Variants in LRRC4C observed in about 807,000 individuals in gnomAD.
LRRC4C encodes leucine-rich repeat-containing protein 4C.
Under a neutral mutation model 33.6 loss-of-function variants are expected in LRRC4C, and 5 were observed. The ratio of observed to expected loss-of-function variants is 0.15; its 90% CI spans 0.08 to 0.31. The LOEUF (loss-of-function observed/expected upper bound fraction) is 0.31, where lower values mean the gene tolerates loss of function less well. Among genes scored for constraint, LRRC4C ranks in the 10% least tolerant of loss-of-function variants. LRRC4C has a pLI of 1.00. For synonymous variants in LRRC4C, 329 were observed against 302.0 expected (o/e 1.09, Z -0.93); for missense variants, 560 against 796.7 (o/e 0.70, Z 3.58).
At chr11:40,391,432 G>T (rs1259585685) in intron 3 of LRRC4C, among the ~76,000 whole-genome samples, 1 of 152,110 alleles carries the variant, frequency 6.6e-6, no homozygotes, top group Non-Finnish European at 1.5e-5. Flanking sequence ...ACTGCTTTAA[G>T]CACTTTATAA....
chr11:40,195,721 T>C (rs552761914), intron 5 of LRRC4C, among the ~76,000 whole-genome samples: 2 of 148,530 alleles, frequency 1.3e-5, no homozygotes, highest in East Asian at 2.0e-4. Flanking sequence ...AAAAATTGTA[T>C]GGCAAATAAA....
intron 1 of LRRC4C, among the ~76,000 whole-genome samples, chr11:40,977,962 C>T (rs1290319647): frequency 6.6e-6 from 1 of 152,158 alleles, no homozygotes; most frequent in African/African-American, 2.4e-5. Flanking sequence ...AAAAGGCAAA[C>T]ATTGAAATCT....
At chr11:40,409,596 T>C (rs1312340084) in intron 3 of LRRC4C, among the ~76,000 whole-genome samples, 1 of 152,018 alleles carries the variant, frequency 6.6e-6, no homozygotes, top group East Asian at 1.9e-4. Flanking sequence ...CCTGAATAGA[T>C]GTTTCTCACA....
At chr11:40,445,019 A>C (rs190144601) in intron 3 of LRRC4C, among the ~76,000 whole-genome samples, 94 of 152,324 alleles carry the variant, frequency 6.2e-4, no homozygotes, top group Middle Eastern at 3.4e-3. Context: ...CCCAAGGTCA[A>C]CTTTGGGGTC....
At chr11:40,923,129 T>C (rs77431052) in intron 2 of LRRC4C, among the ~76,000 whole-genome samples, 2,011 of 152,260 alleles carry the variant, frequency 0.013, 52 homozygotes, top group African/African-American at 0.046. Context: ...CAGCCTGTCA[T>C]ACATCTTTCT....
At chr11:40,347,643 T>A (rs1947194564) in intron 3 of LRRC4C, among the ~76,000 whole-genome samples, 1 of 152,204 alleles carries the variant, frequency 6.6e-6, no homozygotes, top group African/African-American at 2.4e-5. Flanking sequence ...AGTTTCGCTC[T>A]TGTTGCCTAG....
intron 1 of LRRC4C, among the ~76,000 whole-genome samples, chr11:41,016,176 A>G (rs933057200): frequency 2.0e-5 from 3 of 152,104 alleles, no homozygotes; most frequent in African/African-American, 7.2e-5. Flanking sequence ...AAAAATGATT[A>G]GCCCATAGCA....
In LRRC4C at chr11:40,999,687, C is replaced by A. The variant is rs746715552; in HGVS notation, c.-495-65964G>T. ...TTAAATCAAAATATTGGCTAGAAAC[C>A]TGCCATATGCTGGACACTATGTGAG... On this transcript the variant is annotated intron_variant, in intron 1 of 6. Coordinates refer to ENST00000528697, the MANE Select transcript of LRRC4C (RefSeq NM_001258419.2). Among the ~76,000 whole-genome samples the A allele has an allele frequency of 2.0e-5, 3 of 152,260 alleles. No individual in the cohort carries two copies. In the South Asian group the frequency reaches 6.2e-4, roughly 32 times the overall value.
intron 1 of LRRC4C, among the ~76,000 whole-genome samples, chr11:41,157,770 G>A (rs1294704377): frequency 6.6e-6 from 1 of 151,814 alleles, no homozygotes; most frequent in African/African-American, 2.4e-5. Flanking sequence ...TTTAAATTTT[G>A]TGGGTATATA....
intron 1 of LRRC4C, among the ~76,000 whole-genome samples, chr11:41,238,932 C>T (rs1209410476): frequency 6.6e-6 from 1 of 151,950 alleles, no homozygotes; most frequent in Non-Finnish European, 1.5e-5. Flanking sequence ...GCAGTATGTC[C>T]CTTTCCCATA....
intron 2 of LRRC4C, among the ~76,000 whole-genome samples, chr11:40,878,730 G>T (rs1357686589): frequency 6.6e-6 from 1 of 152,146 alleles, no homozygotes; most frequent in Non-Finnish European, 1.5e-5. Flanking sequence ...CAAATACCTT[G>T]ATCACTTTTG....
intron 1 of LRRC4C, among the ~76,000 whole-genome samples, chr11:41,026,639 ATTGT>A (rs1475943332): frequency 6.6e-6 from 1 of 151,220 alleles, no homozygotes; most frequent in Admixed American, 6.6e-5. Context: ...GGCAAATTGC[ATTGT>A]TTCTTTATTT....
At chr11:40,504,521 C>T (rs939553722) in intron 3 of LRRC4C, among the ~76,000 whole-genome samples, 2 of 151,952 alleles carry the variant, frequency 1.3e-5, no homozygotes, top group African/African-American at 4.8e-5. Flanking sequence ...AGGTATCAGC[C>T]TAAGGATTTT....
At chr11:40,566,215 T>G (rs1957763145) in intron 3 of LRRC4C, among the ~76,000 whole-genome samples, 1 of 151,658 alleles carries the variant, frequency 6.6e-6, no homozygotes, top group Admixed American at 6.6e-5. Context: ...GTTTGTGTGT[T>G]GGATATTCAA....
At chr11:41,453,900 A>G (rs1956102650) in intron 1 of LRRC4C, among the ~76,000 whole-genome samples, 1 of 152,124 alleles carries the variant, frequency 6.6e-6, no homozygotes, top group East Asian at 1.9e-4. Flanking sequence ...GTAGAGGCCA[A>G]TGAACTTGTG....
At chr11:40,195,600 A>C (rs1469167190) in intron 5 of LRRC4C, among the ~76,000 whole-genome samples, 1 of 152,114 alleles carries the variant, frequency 6.6e-6, no homozygotes, top group Non-Finnish European at 1.5e-5. Context: ...CATCTTGGAA[A>C]TGAAAAAAAA....
At chr11:40,987,595 C>T (rs1297705728) in intron 1 of LRRC4C, among the ~76,000 whole-genome samples, 1 of 143,890 alleles carries the variant, frequency 6.9e-6, no homozygotes, top group African/African-American at 2.6e-5. Context: ...TCATCTACTG[C>T]TGAGAGAAGG....
In LRRC4C at chr11:41,074,790, T is replaced by G. The variant is rs76896766; in HGVS notation, c.-495-141067A>C. On this transcript the variant is annotated intron_variant, in intron 1 of 6. Transcript: ENST00000528697. ...TGTCCATTAGCAATGACTTTCATTA[T>G]GGAGTAGCATTATTTCAAGCTTACT... is the stretch of plus-strand genomic sequence containing the variant. Among the ~76,000 whole-genome samples, 483 of 152,266 alleles carry G rather than the reference T, an allele frequency of 3.2e-3. 2 individuals carry two copies. Among genetic ancestry groups the G allele is most frequent in the African/African-American group, 0.011 (441 of 41,560 alleles).
At chr11:41,224,297 A>C (rs991247275) in intron 1 of LRRC4C, among the ~76,000 whole-genome samples, 2 of 152,182 alleles carry the variant, frequency 1.3e-5, no homozygotes, top group Non-Finnish European at 2.9e-5. Context: ...TTCATTGCCA[A>C]TAAGAGAAAT....
Sources: allele counts gnomAD v4.1 joint callset (sites outside exome capture counted in the v4.1 genomes callset), GRCh38; gene constraint gnomAD v4.1.1; transcripts MANE v1.5; gene names NCBI Gene and HGNC (gene_info 2026-07-23, HGNC 2026-07-21).